DENR: variants seen among roughly 807,000 people sequenced by gnomAD.
DENR encodes density-regulated protein.
A neutral mutation model predicts 30.6 loss-of-function variants in DENR; 6 were observed. The observed-to-expected ratio is 0.20, with a 90% CI of 0.11 to 0.39. The LOEUF is 0.39. Among genes scored for constraint, DENR ranks in the 10% least tolerant of loss-of-function variants. The pLI is 1.00. For synonymous variants in DENR, 78 were observed against 72.1 expected (o/e 1.08, Z -0.41); for missense variants, 141 against 230.9 (o/e 0.61, Z 2.52).
chr12:122,753,412 C>T lies in DENR; in HGVS notation c.-9-281C>T, dbSNP rs145010882. On this transcript the variant is annotated intron_variant, in intron 1 of 7. Transcript: ENST00000280557. ...CTCCGTGTCTGCCGTGGGTACTCAC[C>T]CCATCTTTCCTTCCCCATTGCTTCC... is the stretch of plus-strand genomic sequence containing the variant. Among the ~76,000 whole-genome samples the T allele has an allele frequency of 4.6e-5, 7 of 152,270 alleles. No individual in the cohort carries two copies. The East Asian group carries it at 1.3e-3, about 29-fold the overall frequency.
intron 2 of DENR, among the ~76,000 whole-genome samples, chr12:122,756,138 T>G (rs934928624): frequency 6.6e-6 from 1 of 152,126 alleles, no homozygotes; most frequent in Admixed American, 6.5e-5. Context: ...GGGAAGATGA[T>G]GAATGCTGAA....
rs759204081 is a variant in DENR, at chr12:122,768,825, C to T, written c.456C>T (p.Phe152=). 1.2e-6 allele frequency: 2 copies of T among 1,602,384 alleles called. No individual in the cohort carries two copies. The highest frequency in any genetic ancestry group is 1.7e-5 in the Admixed American group (1 of 57,868). Residue 152 remains phenylalanine (F), a synonymous_variant, in exon 7 of 8, where the codon TTC becomes TTT. Transcript: ENST00000280557. ...CACAAAGATTTTTTGCTCAAAAATT[C>T]TCCTGTGGTGCCTCAGTAACAGGGG... is the stretch of plus-strand genomic sequence containing the variant. ...KEAQRFFAQK[F]SCGASVTGED... is the part of the protein sequence containing the mutation.
At position 122,769,549 on chromosome 12, in the gene DENR, T is replaced by G. The variant is rs1446892379; in HGVS notation, c.*471T>G. On this transcript the variant is annotated 3_prime_UTR_variant, in exon 8 of 8. Transcript: ENST00000280557. ...TTTGACAGAGTCTCGCACTGTTGCC[T>G]GGGCTGGAATGCAGTGGTGCGATCT... is the stretch of plus-strand genomic sequence containing the variant. 2 of 895,504 alleles carry G rather than the reference T, an allele frequency of 2.2e-6. No individual in the cohort carries two copies. Among genetic ancestry groups the G allele is most frequent in the African/African-American group, 3.7e-5 (2 of 54,680 alleles). 55.5% of individuals were successfully genotyped at this position (895,504 alleles called of 1,614,324 possible). A position where few individuals can be genotyped will look rare whatever the true frequency, so the allele number is the denominator to read the frequency against.
At chr12:122,766,845 CCTTT>C (rs766175087) in intron 5 of DENR, among the ~76,000 whole-genome samples, 1 of 152,114 alleles carries the variant, frequency 6.6e-6, no homozygotes, top group African/African-American at 2.4e-5. Context: ...TCTGTAGGGG[CCTTT>C]CTATCAGTCT....
At chr12:122,757,708 A>G (rs1878585770) in intron 2 of DENR, among the ~76,000 whole-genome samples, 1 of 152,164 alleles carries the variant, frequency 6.6e-6, no homozygotes, top group Admixed American at 6.5e-5. Context: ...TGGTTGGACC[A>G]TGGGCTGGTA....
chr12:122,753,657 A>T (rs746753397), intron 1 of DENR, 36 bp from the exon 2 acceptor site: 2 of 1,528,474 alleles, frequency 1.3e-6, no homozygotes, highest in Non-Finnish European at 1.8e-6. Flanking sequence ...TCTTGATTCT[A>T]AAATAGTGAG....
At chr12:122,754,985 A>T (rs949735480) in intron 2 of DENR, among the ~76,000 whole-genome samples, 1 of 152,262 alleles carries the variant, frequency 6.6e-6, no homozygotes, top group African/African-American at 2.4e-5. Flanking sequence ...ACTAAAAATG[A>T]TGACTTTGAG....
At chr12:122,755,536 G>T (rs138826150) in intron 2 of DENR, among the ~76,000 whole-genome samples, 1 of 152,152 alleles carries the variant, frequency 6.6e-6, no homozygotes. Flanking sequence ...CCGAGATCAC[G>T]CCATTGCACT....
At chr12:122,755,715 T>C (rs1163194690) in intron 2 of DENR, among the ~76,000 whole-genome samples, 1 of 152,210 alleles carries the variant, frequency 6.6e-6, no homozygotes, top group African/African-American at 2.4e-5. Context: ...GAAACCTATG[T>C]GAGTAAAGGA....
At chr12:122,760,156 G>A (rs1308471632) in intron 2 of DENR, among the ~76,000 whole-genome samples, 6 of 152,198 alleles carry the variant, frequency 3.9e-5, no homozygotes, top group Admixed American at 3.9e-4. Context: ...GTGGTTAATA[G>A]CATGAGCGTC....
In DENR at chr12:122,770,382, T is replaced by A; in HGVS notation, c.*1304T>A. 2.7e-6 allele frequency: 1 copy of A among 377,188 alleles called. No homozygotes were observed. Among genetic ancestry groups the A allele is most frequent in the Non-Finnish European group, 4.7e-6 (1 of 213,328 alleles). 23.4% of individuals were successfully genotyped at this position (377,188 alleles called of 1,614,324 possible). On this transcript the variant is annotated 3_prime_UTR_variant, in exon 8 of 8. Coordinates refer to ENST00000280557, the MANE Select transcript of DENR (RefSeq NM_003677.5). Reference sequence around the variant, plus strand: ...GATTATTTGGAAGCATGTTTGGTAATGTCAAGTGGAGTACCCCAGATACAT... The same window carrying A: ...GATTATTTGGAAGCATGTTTGGTAAAGTCAAGTGGAGTACCCCAGATACAT...
intron 2 of DENR, among the ~76,000 whole-genome samples, chr12:122,758,849 TATTTA>T (rs1878620600): frequency 2.5e-5 from 1 of 39,846 alleles, no homozygotes; most frequent in East Asian, 5.4e-4. Flanking sequence ...ATTTTTTATT[TATTTA>T]TTTTTTTTTT....
chr12:122,769,119 T>C lies in DENR; in HGVS notation c.*41T>C, dbSNP rs760679566. On this transcript the variant is annotated 3_prime_UTR_variant, in exon 8 of 8. Transcript: ENST00000280557. ...TGTATTTAATGGCCTGAACTGAGAG[T>C]TGATATGGCCAAAGGGAGAGAGGCC... The C allele has an allele frequency of 2.0e-5, 31 of 1,580,908 alleles. 1 individual carries two copies. In the South Asian group the frequency reaches 3.3e-4, roughly 17 times the overall value.
chr12:122,755,535 C>G (rs75789455), intron 2 of DENR, among the ~76,000 whole-genome samples: 2 of 152,138 alleles, frequency 1.3e-5, no homozygotes, highest in Admixed American at 1.3e-4. Flanking sequence ...GCCGAGATCA[C>G]GCCATTGCAC....
chr12:122,760,015 T>C (rs1487628097), intron 2 of DENR, among the ~76,000 whole-genome samples: 1 of 152,202 alleles, frequency 6.6e-6, no homozygotes, highest in Non-Finnish European at 1.5e-5. Flanking sequence ...TTTAACTCTT[T>C]TAGTGCCCCA....
intron 2 of DENR, among the ~76,000 whole-genome samples, chr12:122,761,967 A>T (rs752237727): frequency 6.6e-5 from 10 of 152,188 alleles, no homozygotes; most frequent in Non-Finnish European, 1.5e-4. Flanking sequence ...TGATGGAGAC[A>T]CTCTTTAGAT....
Position 122,768,949 on chromosome 12 carries a change from A to G in DENR, c.552+28A>G, listed in dbSNP as rs144554963. 7.3e-4 allele frequency: 1,177 copies of G among 1,604,792 alleles called. 17 individuals are homozygous for G. In the East Asian group the frequency reaches 0.025, roughly 34 times the overall value. ...GAGTGCATGGAACACATACATCGCT[A>G]GAGATAAGTTTTTAAAGCAAATTGC... On this transcript the variant is annotated intron_variant, in intron 7 of 7. Coordinates refer to ENST00000280557, the MANE Select transcript of DENR (RefSeq NM_003677.5).
intron 4 of DENR, among the ~76,000 whole-genome samples, chr12:122,764,777 T>C (rs1878803868): frequency 6.6e-6 from 1 of 152,208 alleles, no homozygotes; most frequent in African/African-American, 2.4e-5. Context: ...GCTGCCCCAC[T>C]CATTGCTCCT....
chr12:122,752,844 G>T lies in DENR; in HGVS notation c.-116G>T, dbSNP rs1878436650. The T allele has an allele frequency of 6.6e-6, 1 of 152,434 alleles. No individual in the cohort carries two copies. The highest frequency in any genetic ancestry group is 2.4e-5 in the African/African-American group (1 of 41,474). The allele number at this position is 152,434 out of a possible 1,614,324, so 9.4% of individuals were successfully genotyped here. A position where few individuals can be genotyped will look rare whatever the true frequency, so the allele number is the denominator to read the frequency against. On this transcript the variant is annotated 5_prime_UTR_variant, in exon 1 of 8. Coordinates refer to ENST00000280557, the MANE Select transcript of DENR (RefSeq NM_003677.5). ...TCATTGTCTCGCGGGAGCGCTGCTG[G>T]CGGTCGGGCGCTCGGGCGGCCCTGG... is the stretch of plus-strand genomic sequence containing the variant.
Sources: gnomAD v4.1 joint callset for allele counts (sites outside exome capture counted in the v4.1 genomes callset) on GRCh38, gnomAD v4.1.1 for gene constraint, MANE v1.5 for transcripts, NCBI Gene and HGNC (gene_info 2026-07-23, HGNC 2026-07-21) for gene names.